Variants in DYSF observed in about 807,000 individuals in gnomAD.
DYSF encodes dystrophy-associated fer-1-like 1.
Under a neutral mutation model 274.9 loss-of-function variants are expected in DYSF, and 212 were observed. That is an observed-to-expected ratio of 0.77 (90% CI 0.69 to 0.86). DYSF has a LOEUF of 0.86. Among genes scored for constraint, DYSF ranks in the 40% least tolerant of loss-of-function variants. The pLI, the probability that DYSF is intolerant of heterozygous loss-of-function variation, is 0.00. For missense variants in DYSF, 2,666 were observed against 2,783.2 expected (o/e 0.96, Z 0.95); for synonymous variants, 1,091 against 1,078.7 (o/e 1.01, Z -0.22).
At chr2:71,526,383 G>A in intron 13 of DYSF, 37 bp downstream of exon 13, 1 of 1,585,928 alleles carries the variant, frequency 6.3e-7, no homozygotes, top group East Asian at 2.3e-5. Flanking sequence ...AGGTCTGCAG[G>A]AGGCTGGAGG....
chr2:71,645,127 G>A (rs1203893996), intron 42 of DYSF, among the ~76,000 whole-genome samples: 1 of 152,196 alleles, frequency 6.6e-6, no homozygotes, highest in African/African-American at 2.4e-5. Flanking sequence ...ATCTGTAGGC[G>A]GCTTGTGTTA....
rs766632706 is a variant in DYSF, at chr2:71,665,244, C to T, written c.5257C>T (p.Pro1753Ser). ...LFCQQHRVKAPVYRTDRVMFQ... is the reference protein window; with the variant it reads ...LFCQQHRVKASVYRTDRVMFQ... ...CTGCCAGCAGCATAGAGTCAAGGCA[C>T]CTGTGTACCGGACAGACCGTGTAAT... The change falls in exon 47 of 56, where the codon CCT (proline) becomes TCT (serine). Residue 1753 changes from proline (P) to serine (S), a missense_variant. By Grantham distance (74) the Pro-to-Ser change is moderately conservative. Coordinates refer to ENST00000410020, the MANE Select transcript of DYSF (RefSeq NM_001130987.2). 19 of 1,614,170 alleles carry T rather than the reference C, an allele frequency of 1.2e-5. 1 individual carries two copies. In the South Asian group the frequency reaches 2.0e-4, roughly 17 times the overall value.
Position 71,679,272 on chromosome 2 carries a change from G to C in DYSF, c.6063+37G>C, listed in dbSNP as rs1436272574. On this transcript the variant is annotated intron_variant, in intron 53 of 55. Coordinates refer to ENST00000410020, the MANE Select transcript of DYSF (RefSeq NM_001130987.2). ...TCCTCCAGCCCCAGTGGAGGGCATG[G>C]GGGAAGCTTCTTCCATAGAAATTGT... The C allele has an allele frequency of 1.9e-6, 3 of 1,601,592 alleles. No individual in the cohort carries two copies. The East Asian group carries it at 6.7e-5, about 36-fold the overall frequency.
In DYSF at chr2:71,551,701, A is replaced by AGCACAG; in HGVS notation, c.1787_1788insGCACAG (p.Asp596delinsGluHisSer). On this transcript the variant is annotated protein_altering_variant, in exon 19 of 56. Transcript: ENST00000410020. The stretch of plus-strand genomic sequence containing the variant: ...CAGAAGGTGGAGGACCTTCCTGCGG[A>AGCACAG]TGACATCCTCCGGGTGGAGGTGAGG... The AGCACAG allele has an allele frequency of 6.2e-7, 1 of 1,608,420 alleles. No homozygotes were observed. Among genetic ancestry groups the AGCACAG allele is most frequent in the South Asian group, 1.1e-5 (1 of 89,532 alleles).
intron 41 of DYSF, among the ~76,000 whole-genome samples, chr2:71,635,462 A>C (rs2094384556): frequency 6.6e-6 from 1 of 152,188 alleles, no homozygotes; most frequent in Non-Finnish European, 1.5e-5. Context: ...CAAAAGATAA[A>C]GGGGGCTGGG....
chr2:71,648,489 G>A (rs1427032846), intron 42 of DYSF, among the ~76,000 whole-genome samples: 1 of 152,032 alleles, frequency 6.6e-6, no homozygotes, highest in Non-Finnish European at 1.5e-5. Flanking sequence ...GTCAGGGAAA[G>A]GAAACCTAAC....
intron 1 of DYSF, among the ~76,000 whole-genome samples, chr2:71,472,273 T>C (rs1181429000): frequency 1.3e-5 from 2 of 152,240 alleles, no homozygotes; most frequent in Admixed American, 1.3e-4. Flanking sequence ...TAGACAGATT[T>C]AATGCGTTGC....
At chr2:71,518,965 C>T (rs776910366) in intron 10 of DYSF, among the ~76,000 whole-genome samples, 151 of 151,720 alleles carry the variant, frequency 1.0e-3, no homozygotes, top group Middle Eastern at 6.8e-3. Context: ...TGGTGGTATG[C>T]GCCTGTAATC....
intron 9 of DYSF, 37 bp from the exon 10 acceptor site, chr2:71,516,952 C>T (rs1228633161): frequency 1.2e-6 from 2 of 1,607,424 alleles, no homozygotes; most frequent in South Asian, 2.2e-5. Flanking sequence ...GCCACATGTT[C>T]CCTGTGAATG....
Position 71,513,880 on chromosome 2 carries a change from A to T in DYSF, c.718A>T (p.Thr240Ser). ...PGIKRKRSAP[T>S]SRKLLSDKPQ... is the part of the protein sequence containing the mutation. ...GATCAAAAGAAAGCGAAGTGCGCCT[A>T]CATCTAGAAAGCTGCTGTCAGACAA... The change falls in exon 7 of 56, where the codon ACA becomes TCA. Residue 240 changes from threonine to serine, a missense_variant. Thr to Ser is a moderately conservative substitution (Grantham distance 58). Transcript: ENST00000410020. 3 of 1,614,214 alleles carry T rather than the reference A, an allele frequency of 1.9e-6. No individual in the cohort carries two copies. The highest frequency in any genetic ancestry group is 2.5e-6 in the Non-Finnish European group (3 of 1,180,046).
chr2:71,592,535 C>T (rs1034078685), intron 32 of DYSF, among the ~76,000 whole-genome samples: 8 of 152,246 alleles, frequency 5.3e-5, no homozygotes, highest in Non-Finnish European at 1.0e-4. Context: ...GGAACTGACC[C>T]TGGGGCGGCT....
intron 1 of DYSF, among the ~76,000 whole-genome samples, chr2:71,473,477 TGA>T (rs772901849): frequency 3.3e-5 from 5 of 152,244 alleles, no homozygotes; most frequent in Non-Finnish European, 7.3e-5. Context: ...CTGCAGCTTC[TGA>T]GAGTAACTCC....
At chr2:71,617,827 GGGGTATAA>G in intron 40 of DYSF, among the ~76,000 whole-genome samples, 1 of 129,776 alleles carries the variant, frequency 7.7e-6, no homozygotes, top group East Asian at 2.5e-4. Context: ...TGGTAGAGGT[GGGGTATAA>G]GTGTGTGTGG....
At chr2:71,569,422 T>C (rs1313758156) in intron 26 of DYSF, among the ~76,000 whole-genome samples, 1 of 152,234 alleles carries the variant, frequency 6.6e-6, no homozygotes, top group African/African-American at 2.4e-5. Context: ...CATTCAACTC[T>C]GTGGTGTTTA....
In DYSF at chr2:71,615,698, G is replaced by GGT. The variant is rs1264798270; in HGVS notation, c.4464+2290_4464+2291dup. ...CCAACCCAGGAGGCAGCTGACCCCG[G>GGT]GTGCAGTTCCAGTGGTTTGCTAGAT... On this transcript the variant is annotated intron_variant, in intron 40 of 55. Coordinates refer to ENST00000410020, the MANE Select transcript of DYSF (RefSeq NM_001130987.2). The surrounding 1 kb of genome is among the most constrained non-coding windows in gnomAD (Gnocchi z 4.9). Among the ~76,000 whole-genome samples, 3 of 152,168 alleles carry GGT rather than the reference G, an allele frequency of 2.0e-5. No homozygotes were observed. The East Asian group carries it at 5.8e-4, about 29-fold the overall frequency.
chr2:71,576,972 C>T (rs1257073000), intron 30 of DYSF: 1 of 152,262 alleles, frequency 6.6e-6, no homozygotes, highest in African/African-American at 2.4e-5. Context: ...TGTAATTCAC[C>T]TGTGACTTGC....
At position 71,584,791 on chromosome 2, in the gene DYSF, C is replaced by T. The variant is rs115851964; in HGVS notation, c.3403-4802C>T. 5.6e-3 allele frequency among the ~76,000 whole-genome samples: 848 copies of T among 152,184 alleles called. 10 individuals are homozygous for T. The highest frequency in any genetic ancestry group is 0.027 in the Middle Eastern group (8 of 294). On this transcript the variant is annotated intron_variant, in intron 30 of 55. Coordinates refer to ENST00000410020, the MANE Select transcript of DYSF (RefSeq NM_001130987.2). ...GGGCTGCTGCTGAAGGCTGGGCAGC[C>T]AAGGAGGTGCCCATACCTCAGAGAT...
At chr2:71,567,049 T>C (rs1462582458) in intron 24 of DYSF, among the ~76,000 whole-genome samples, 3 of 152,216 alleles carry the variant, frequency 2.0e-5, no homozygotes, top group African/African-American at 7.2e-5. Context: ...CCTGGGTACT[T>C]AATGTGTTGC....
chr2:71,587,902 A>T lies in DYSF; in HGVS notation c.3403-1691A>T, dbSNP rs539169099. Reference sequence around the variant, plus strand: ...GAGAGTCCCCTGGGAGAATAGAGGGACTCAGCCTTTCCCAAGTGTGTGTTT... The same window carrying T: ...GAGAGTCCCCTGGGAGAATAGAGGGTCTCAGCCTTTCCCAAGTGTGTGTTT... On this transcript the variant is annotated intron_variant, in intron 30 of 55. Coordinates refer to ENST00000410020, the MANE Select transcript of DYSF (RefSeq NM_001130987.2). 5.9e-5 allele frequency among the ~76,000 whole-genome samples: 9 copies of T among 152,272 alleles called. No individual in the cohort carries two copies. In the East Asian group the frequency reaches 1.7e-3, roughly 29 times the overall value.
Sources: gnomAD v4.1 joint callset for allele counts (sites outside exome capture counted in the v4.1 genomes callset) on GRCh38, gnomAD v4.1.1 for gene constraint, Gnocchi (gnomAD v3.1) non-coding constraint, MANE v1.5 for transcripts, NCBI Gene and HGNC (gene_info 2026-07-23, HGNC 2026-07-21) for gene names.